ALDH7A1: variants seen among roughly 807,000 people sequenced by gnomAD.
The protein encoded by ALDH7A1 is aldehyde dehydrogenase 7 family member A1, also known as alpha-aminoadipic semialdehyde dehydrogenase.
ALDH7A1 carries 63 observed loss-of-function variants against 79.9 expected under a neutral mutation model. That is an observed-to-expected ratio of 0.79 (90% confidence interval 0.64 to 0.97). The LOEUF (loss-of-function observed/expected upper bound fraction) is 0.97, where lower values mean the gene tolerates loss of function less well. Among genes scored for constraint, ALDH7A1 ranks in the 50% least tolerant of loss-of-function variants. ALDH7A1 has a pLI of 0.00. For synonymous variants in ALDH7A1, 240 were observed against 231.2 expected (o/e 1.04, Z -0.34); for missense variants, 627 against 665.2 (o/e 0.94, Z 0.63).
At chr5:126,559,411 G>C in intron 10 of ALDH7A1, 77 bp from the exon 11 acceptor site, 1 of 868,712 alleles carries the variant, frequency 1.2e-6, no homozygotes, top group Non-Finnish European at 1.8e-6. Flanking sequence ...ATAAAACAAT[G>C]TTGTTTTTTG....
intron 3 of ALDH7A1, among the ~76,000 whole-genome samples, chr5:126,589,977 G>A (rs1292973146): frequency 2.2e-5 from 3 of 135,366 alleles, no homozygotes; most frequent in African/African-American, 9.7e-5. Flanking sequence ...TCTGGAAAGT[G>A]AGGAGCGCCT....
chr5:126,556,350 C>T (rs558174239), intron 11 of ALDH7A1, among the ~76,000 whole-genome samples: 190 of 146,344 alleles, frequency 1.3e-3, no homozygotes, highest in African/African-American at 4.6e-3. Context: ...TCAAGCGATT[C>T]TTATACCTCA....
chr5:126,565,130 T>C (rs557491408), intron 9 of ALDH7A1, among the ~76,000 whole-genome samples: 157 of 152,194 alleles, frequency 1.0e-3, no homozygotes, highest in African/African-American at 2.1e-3. Flanking sequence ...TGCGGTGGCT[T>C]ATGCCTGTAA....
chr5:126,560,703 T>A (rs1027572370), intron 10 of ALDH7A1, among the ~76,000 whole-genome samples: 1 of 152,132 alleles, frequency 6.6e-6, no homozygotes, highest in Non-Finnish European at 1.5e-5. Flanking sequence ...GACAAAATAA[T>A]GTTTTTGAAA....
intron 5 of ALDH7A1, among the ~76,000 whole-genome samples, chr5:126,579,214 C>T (rs942549152): frequency 3.0e-4 from 45 of 152,236 alleles, no homozygotes; most frequent in Non-Finnish European, 6.3e-4. Flanking sequence ...TGAAGCAATG[C>T]AATCCTCCCA....
intron 16 of ALDH7A1, 77 bp from the exon 17 acceptor site, chr5:126,546,476 G>A (rs1749790810): frequency 7.5e-7 from 1 of 1,333,974 alleles, no homozygotes; most frequent in Non-Finnish European, 1.1e-6. Context: ...ATGAAAAGAA[G>A]ATACCAAAAG....
intron 9 of ALDH7A1, among the ~76,000 whole-genome samples, chr5:126,567,330 T>G (rs1415069440): frequency 6.6e-6 from 1 of 152,230 alleles, no homozygotes; most frequent in African/African-American, 2.4e-5. Flanking sequence ...GACTGTACCC[T>G]TTCTACAGGA....
chr5:126,594,148 T>G, intron 1 of ALDH7A1: 1 of 468,414 alleles, frequency 2.1e-6, no homozygotes, highest in Non-Finnish European at 4.4e-6. Context: ...TGAGCAGTAA[T>G]GGGTATCAGG....
chr5:126,588,581 C>T (rs768441810), intron 3 of ALDH7A1: 14 of 152,024 alleles, frequency 9.2e-5, no homozygotes, highest in Admixed American at 7.2e-4. Context: ...ATACAATAGA[C>T]GTTTCTAGTC....
intron 5 of ALDH7A1, among the ~76,000 whole-genome samples, chr5:126,577,577 T>G (rs2112795192): frequency 6.6e-6 from 1 of 152,208 alleles, no homozygotes. Context: ...CATGTTGTTT[T>G]GTTTGGTTTT....
chr5:126,593,452 T>G (rs748061320), intron 1 of ALDH7A1, 48 bp from the exon 2 acceptor site: 1 of 1,611,850 alleles, frequency 6.2e-7, no homozygotes, highest in East Asian at 2.2e-5. Context: ...TAATCCCTTT[T>G]GAAGTAAGGG....
intron 6 of ALDH7A1, among the ~76,000 whole-genome samples, chr5:126,576,262 CAAAAA>C (rs35284915): frequency 3.4e-5 from 3 of 89,236 alleles, no homozygotes; most frequent in Non-Finnish European, 2.2e-5. Flanking sequence ...GACTCTGTCA[CAAAAA>C]AAAAAAAAAA....
At chr5:126,551,586 G>A (rs1473864984) in intron 14 of ALDH7A1, among the ~76,000 whole-genome samples, 1 of 152,144 alleles carries the variant, frequency 6.6e-6, no homozygotes, top group Non-Finnish European at 1.5e-5. Flanking sequence ...CCCTCCCAAA[G>A]TGCTGGGATT....
rs121912708 is a variant in ALDH7A1, at chr5:126,583,997, G to C, written c.328C>G (p.Arg110Gly). Residue 110 changes from arginine to glycine, a missense_variant, in exon 4 of 18, where the codon CGA (arginine) becomes GGA (glycine). Coordinates refer to ENST00000409134, the MANE Select transcript of ALDH7A1 (RefSeq NM_001182.5). ...CCAATCTGTCTTACTATTTCTCCTCGTTTTGGAGCAGGAATCTAAGAAAAG... is the reference window on the plus strand; with the variant it reads ...CCAATCTGTCTTACTATTTCTCCTCCTTTTGGAGCAGGAATCTAAGAAAAG... ...KIWADIPAPK[R>G]GEIVRQIGDA... 18 of 1,613,902 alleles carry C rather than the reference G, an allele frequency of 1.1e-5. No homozygotes were observed. The highest frequency in any genetic ancestry group is 1.4e-5 in the Non-Finnish European group (17 of 1,179,918).
Position 126,543,394 on chromosome 5 carries a change from G to C in ALDH7A1, c.*1571C>G, listed in dbSNP as rs1749678328. The C allele has an allele frequency of 6.6e-6, 1 of 152,080 alleles. No homozygotes were observed. The highest frequency in any genetic ancestry group is 2.4e-5 in the African/African-American group (1 of 41,418). The allele number at this position is 152,080 out of a possible 1,614,324, so 9.4% of individuals were successfully genotyped here. On this transcript the variant is annotated 3_prime_UTR_variant, in exon 18 of 18. Coordinates refer to ENST00000409134, the MANE Select transcript of ALDH7A1 (RefSeq NM_001182.5). ...ATCACTCCCACATACCCTCACCCATGATTTCTTCCTGCCAACCTTCTCTCA... is the reference window on the plus strand; with the variant it reads ...ATCACTCCCACATACCCTCACCCATCATTTCTTCCTGCCAACCTTCTCTCA...
chr5:126,570,589 C>A, intron 8 of ALDH7A1, 193 bp downstream of exon 8: 1 of 629,466 alleles, frequency 1.6e-6, no homozygotes. Flanking sequence ...ATTAAAAAGA[C>A]AATTCTTATT....
chr5:126,551,570 G>C (rs572764205), intron 14 of ALDH7A1, among the ~76,000 whole-genome samples: 3 of 152,222 alleles, frequency 2.0e-5, no homozygotes, highest in Non-Finnish European at 2.9e-5. Context: ...TGATCTGCCT[G>C]CCTCACCCTC....
intron 5 of ALDH7A1, chr5:126,582,086 G>C (rs1356972357): frequency 2.5e-6 from 1 of 398,546 alleles, no homozygotes; most frequent in Non-Finnish European, 4.4e-6. Flanking sequence ...CTACTCGGGA[G>C]GCTGAAGGGG....
rs779654060 is a variant in ALDH7A1, at chr5:126,593,371, G to A, written c.226C>T (p.Pro76Ser). 6.2e-7 allele frequency: 1 copy of A among 1,612,182 alleles called. No individual in the cohort carries two copies. Among genetic ancestry groups the A allele is most frequent in the Non-Finnish European group, 8.5e-7 (1 of 1,179,846 alleles). ...ITTYCPANNEPIARVRQASVA... is the reference protein window; with the variant it reads ...ITTYCPANNESIARVRQASVA... ...CTTACCTGTCGGACTCTTGCTATTG[G>A]CTCGTTGTTAGCAGGGCAATAGGTC... Residue 76 changes from proline (P) to serine (S), a missense_variant, in exon 2 of 18, where the codon CCA (proline) becomes TCA (serine). Physicochemically the swap from Pro to Ser is moderately conservative, Grantham distance 74. Coordinates refer to ENST00000409134, the MANE Select transcript of ALDH7A1 (RefSeq NM_001182.5).
Sources: gnomAD v4.1 joint callset for allele counts (sites outside exome capture counted in the v4.1 genomes callset) on GRCh38, gnomAD v4.1.1 for gene constraint, MANE v1.5 for transcripts, NCBI Gene and HGNC (gene_info 2026-07-23, HGNC 2026-07-21) for gene names.